The following TBCD variants were observed in gnomAD, a reference collection of about 807,000 sequenced individuals.
TBCD encodes tubulin folding cofactor D.
Under a neutral mutation model 169.3 loss-of-function variants are expected in TBCD, and 105 were observed. The ratio of observed to expected loss-of-function variants is 0.62; its 90% CI spans 0.53 to 0.73. The LOEUF (loss-of-function observed/expected upper bound fraction) is 0.73, where lower values mean the gene tolerates loss of function less well. Among genes scored for constraint, TBCD ranks in the 30% least tolerant of loss-of-function variants. The probability of loss-of-function intolerance (pLI) is 0.00; values close to 1 mark genes in which losing one functional copy is unlikely to be tolerated. For missense variants in TBCD, 1,444 were observed against 1,600.1 expected (o/e 0.90, Z 1.66); for synonymous variants, 700 against 643.9 (o/e 1.09, Z -1.32).
chr17:82,779,741 G>A (rs914875483), intron 6 of TBCD, among the ~76,000 whole-genome samples: 1 of 152,206 alleles, frequency 6.6e-6, no homozygotes, highest in African/African-American at 2.4e-5. Flanking sequence ...AGGTGGGATG[G>A]CCGGAGTTGA....
intron 13 of TBCD, among the ~76,000 whole-genome samples, chr17:82,866,485 C>T (rs1000456745): frequency 3.3e-5 from 5 of 152,254 alleles, no homozygotes; most frequent in African/African-American, 9.6e-5. Context: ...CCGGGGATGC[C>T]GTCAGCAGCC....
At chr17:82,909,613 T>TTG (rs1178834061) in intron 22 of TBCD, among the ~76,000 whole-genome samples, 1 of 136,472 alleles carries the variant, frequency 7.3e-6, no homozygotes. Context: ...TCTGACCTGG[T>TTG]TGTGTGATTG....
chr17:82,902,410 C>G (rs553414535), intron 18 of TBCD, among the ~76,000 whole-genome samples: 6 of 152,396 alleles, frequency 3.9e-5, no homozygotes, highest in Middle Eastern at 3.4e-3. Flanking sequence ...CGGCTGCAGA[C>G]TGCATTGCCT....
chr17:82,830,461 G>A (rs1737498771), intron 13 of TBCD: 2 of 1,612,690 alleles, frequency 1.2e-6, no homozygotes, highest in Non-Finnish European at 1.7e-6. Flanking sequence ...TGCGTCTGGA[G>A]CCTCCTCGCC....
At chr17:82,803,825 G>A (rs1194191123) in intron 9 of TBCD, among the ~76,000 whole-genome samples, 5 of 151,968 alleles carry the variant, frequency 3.3e-5, no homozygotes, top group Non-Finnish European at 7.4e-5. Context: ...GCGCGCTTGC[G>A]TGAGGAGAAT....
In TBCD at chr17:82,833,338, G is replaced by C. The variant is rs1167087539; in HGVS notation, c.1318+18404G>C. ...CCCTGGGGCCGATCCCTAAGCACTCGTGGCAGTTTCTGCCCACTTTAGCCA... is the reference window on the plus strand; with the variant it reads ...CCCTGGGGCCGATCCCTAAGCACTCCTGGCAGTTTCTGCCCACTTTAGCCA... On this transcript the variant is annotated intron_variant, in intron 13 of 38. Coordinates refer to ENST00000355528, the MANE Select transcript of TBCD (RefSeq NM_005993.5). This position sits in a 1 kb window ranked among gnomAD's most constrained non-coding sequence, Gnocchi z 4.7. Among the ~76,000 whole-genome samples, 1 of 152,102 alleles carries C rather than the reference G, an allele frequency of 6.6e-6. No homozygotes were observed. The highest frequency in any genetic ancestry group is 1.5e-5 in the Non-Finnish European group (1 of 68,034).
chr17:82,927,117 A>G (rs2061824604), intron 28 of TBCD, 69 bp from the exon 29 acceptor site: 6 of 1,592,922 alleles, frequency 3.8e-6, no homozygotes, highest in Non-Finnish European at 4.3e-6. Flanking sequence ...AACACACATC[A>G]GCCCTCTGCG....
rs1305041460 is a variant in TBCD, at chr17:82,942,940, C to G, written c.*477C>G. On this transcript the variant is annotated 3_prime_UTR_variant, in exon 39 of 39. Transcript: ENST00000355528. ...TCAAATGCTAGAGAACTGAGAAGCC[C>G]TGGTGGCAGGCATGGTCTGGAGTGC... The G allele has an allele frequency of 5.0e-6, 1 of 198,100 alleles. No individual in the cohort carries two copies. Among genetic ancestry groups the G allele is most frequent in the Non-Finnish European group, 1.0e-5 (1 of 97,564 alleles). 12.3% of individuals were successfully genotyped at this position (198,100 alleles called of 1,614,324 possible).
At chr17:82,875,722 C>T (rs547306900) in intron 14 of TBCD, among the ~76,000 whole-genome samples, 31 of 152,246 alleles carry the variant, frequency 2.0e-4, no homozygotes, top group Non-Finnish European at 3.2e-4. Flanking sequence ...TCTCCCTCAC[C>T]GGTGTTGCTC....
rs2049018712 is a variant in TBCD at position 82,782,624 on chromosome 17, G to A, written c.771+903G>A. Among the ~76,000 whole-genome samples the A allele has an allele frequency of 6.6e-6, 1 of 152,206 alleles. No individual in the cohort carries two copies. The highest frequency in any genetic ancestry group is 2.4e-5 in the African/African-American group (1 of 41,454). On this transcript the variant is annotated intron_variant, in intron 7 of 38. Transcript: ENST00000355528. The surrounding 1 kb of genome is among the most constrained non-coding windows in gnomAD (Gnocchi z 5.1). The stretch of plus-strand genomic sequence containing the variant: ...TGATCCCAAAGTGCTGGGATTACAG[G>A]CTTGAGCCGCCGCGCCTGGAAGGAC...
chr17:82,794,093 G>T (rs1225365275), intron 7 of TBCD, among the ~76,000 whole-genome samples: 1 of 152,224 alleles, frequency 6.6e-6, no homozygotes, highest in African/African-American at 2.4e-5. Flanking sequence ...GTGTGGTGTG[G>T]GGGCCCTTCT....
intron 29 of TBCD, 82 bp from the exon 30 acceptor site, chr17:82,927,823 C>T: frequency 7.8e-7 from 1 of 1,276,768 alleles, no homozygotes; most frequent in East Asian, 2.4e-5. Context: ...CGAATTCACA[C>T]AGGCTGCCGG....
intron 23 of TBCD, among the ~76,000 whole-genome samples, chr17:82,916,091 G>T (rs914325643): frequency 6.6e-6 from 1 of 152,204 alleles, no homozygotes; most frequent in African/African-American, 2.4e-5. Flanking sequence ...TACCCACACA[G>T]CCACCTGCTG....
At chr17:82,778,420 A>G (rs1329957522) in intron 6 of TBCD, among the ~76,000 whole-genome samples, 1 of 152,148 alleles carries the variant, frequency 6.6e-6, no homozygotes, top group East Asian at 1.9e-4. Flanking sequence ...CAGATCCGCT[A>G]AAGTTAACTC....
intron 20 of TBCD, among the ~76,000 whole-genome samples, chr17:82,906,619 C>G (rs774205238): frequency 5.3e-5 from 8 of 152,238 alleles, no homozygotes; most frequent in Non-Finnish European, 1.0e-4. Flanking sequence ...GAGTCTTCCT[C>G]AAGAGTAAGA....
chr17:82,850,006 C>T (rs1206601465), intron 13 of TBCD, among the ~76,000 whole-genome samples: 1,134 of 101,130 alleles, frequency 0.011, 50 homozygotes, highest in African/African-American at 0.043. Flanking sequence ...GGCTGTGCTG[C>T]TGTTGGCTGT....
intron 6 of TBCD, among the ~76,000 whole-genome samples, chr17:82,776,945 C>T (rs1372769714): frequency 2.0e-5 from 3 of 152,164 alleles, no homozygotes; most frequent in Admixed American, 6.5e-5. Context: ...TACTCCGCTT[C>T]GTGACCTGAC....
At chr17:82,877,757 A>C (rs753773494) in intron 14 of TBCD, among the ~76,000 whole-genome samples, 24 of 152,268 alleles carry the variant, frequency 1.6e-4, no homozygotes, top group Non-Finnish European at 1.9e-4. Context: ...GATTGATCTT[A>C]AAACGTTCGT....
rs12938620 is a variant in TBCD, at chr17:82,905,567, A to G, written c.1805-369A>G. 9.5e-3 allele frequency among the ~76,000 whole-genome samples: 299 copies of G among 31,350 alleles called. 4 individuals are homozygous for G. Among genetic ancestry groups the G allele is most frequent in the African/African-American group, 0.03 (120 of 4,026 alleles). The allele number at this position is 31,350 out of a possible 152,430, so 20.6% of individuals were successfully genotyped here. ...AGGTCGTCCGTGTGTGCACGCCGTC[A>G]CCTGCCCTCCCGGCCCTGTGTGGGT... On this transcript the variant is annotated intron_variant, in intron 19 of 38. Coordinates refer to ENST00000355528, the MANE Select transcript of TBCD (RefSeq NM_005993.5).
Sources: gnomAD v4.1 joint callset for allele counts (sites outside exome capture counted in the v4.1 genomes callset) on GRCh38, gnomAD v4.1.1 for gene constraint, Gnocchi (gnomAD v3.1) non-coding constraint, MANE v1.5 for transcripts, NCBI Gene and HGNC (gene_info 2026-07-23, HGNC 2026-07-21) for gene names.